TANC2: variants seen among roughly 807,000 people sequenced by gnomAD.
The protein encoded by TANC2 is tetratricopeptide repeat, ankyrin repeat and coiled-coil containing 2.
TANC2 carries 26 observed loss-of-function variants against 210.5 expected under a neutral mutation model. The observed-to-expected ratio is 0.12, with a 90% CI of 0.09 to 0.17. The LOEUF (loss-of-function observed/expected upper bound fraction) is 0.17. TANC2 is among the 10% of genes least tolerant of loss of function. The probability of loss-of-function intolerance (pLI) is 1.00; values close to 1 mark genes in which losing one functional copy is unlikely to be tolerated. For missense variants in TANC2, 2,129 were observed against 2,608.9 expected, an observed-to-expected ratio of 0.82 and a Z score of 4.01; for synonymous variants, 931 against 967.1, an observed-to-expected ratio of 0.96 and a Z score of 0.69.
At position 63,420,951 on chromosome 17, in the gene TANC2, C is replaced by T. The variant is rs745692639; in HGVS notation, c.5221C>T (p.Arg1741Trp). ...AGGAGACATAGGAGTCAGCCAGAGCCGGTTGGTTTATCAAGGGTCAATTGG... is the reference window on the plus strand; with the variant it reads ...AGGAGACATAGGAGTCAGCCAGAGCTGGTTGGTTTATCAAGGGTCAATTGG... Residue 1741 changes from arginine (R) to tryptophan (W), a missense_variant, in exon 28 of 28, where the codon CGG becomes TGG. Transcript: ENST00000689528. This position sits in a 1 kb window ranked among gnomAD's most constrained non-coding sequence, Gnocchi z 4.2. The T allele has an allele frequency of 2.5e-6, 4 of 1,613,958 alleles. No individual in the cohort carries two copies. The highest frequency in any genetic ancestry group is 3.3e-5 in the Admixed American group (2 of 60,022).
chr17:63,132,613 ATCT>A (rs2038957084), intron 4 of TANC2, among the ~76,000 whole-genome samples: 1 of 152,174 alleles, frequency 6.6e-6, no homozygotes, highest in African/African-American at 2.4e-5. Context: ...GGAATTAATC[ATCT>A]TCTTATCTTC....
chr17:63,280,042 C>T (rs2044013133), intron 9 of TANC2, among the ~76,000 whole-genome samples: 1 of 152,070 alleles, frequency 6.6e-6, no homozygotes, highest in East Asian at 1.9e-4. Flanking sequence ...TCACTCAATT[C>T]TCATATGTTT....
chr17:63,037,455 G>A (rs1348690839), intron 2 of TANC2, among the ~76,000 whole-genome samples: 4 of 152,084 alleles, frequency 2.6e-5, no homozygotes, highest in Non-Finnish European at 4.4e-5. Context: ...CACAGATAAG[G>A]GGGTGGGTGG....
chr17:63,364,914 G>C (rs1330547856), intron 14 of TANC2, among the ~76,000 whole-genome samples: 1 of 152,132 alleles, frequency 6.6e-6, no homozygotes, highest in Non-Finnish European at 1.5e-5. Flanking sequence ...TTTTAAGGTG[G>C]ATATGTTCGG....
intron 9 of TANC2, among the ~76,000 whole-genome samples, chr17:63,283,011 C>G (rs977261234): frequency 6.6e-6 from 1 of 151,872 alleles, no homozygotes; most frequent in East Asian, 1.9e-4. Flanking sequence ...CTTTTAGTGT[C>G]GTGTTTAAGA....
intron 7 of TANC2, among the ~76,000 whole-genome samples, chr17:63,232,136 T>C (rs930900487): frequency 6.6e-6 from 1 of 152,242 alleles, no homozygotes; most frequent in African/African-American, 2.4e-5. Flanking sequence ...CTCAACTGGT[T>C]ATTCTGGTTA....
chr17:63,150,091 A>T (rs771357863), intron 4 of TANC2: 1 of 152,150 alleles, frequency 6.6e-6, no homozygotes, highest in Non-Finnish European at 1.5e-5. Context: ...ACAGAGTTGT[A>T]TATTACTTTT....
intron 8 of TANC2, among the ~76,000 whole-genome samples, chr17:63,247,520 AAATTGTTACATCTGTAGACTAGACCTT>A (rs1291187422): frequency 7.9e-5 from 12 of 151,798 alleles, no homozygotes; most frequent in African/African-American, 1.9e-4. Flanking sequence ...ACATCATCCT[AAATTGTTACATCTGTAGACTAGACCTT>A]AATTGTTACA....
At chr17:63,343,427 T>C (rs552096794) in intron 12 of TANC2, among the ~76,000 whole-genome samples, 2 of 152,322 alleles carry the variant, frequency 1.3e-5, no homozygotes, top group South Asian at 4.1e-4. Flanking sequence ...GGTTCCAAAT[T>C]CATGAATCAA....
intron 8 of TANC2, among the ~76,000 whole-genome samples, chr17:63,241,645 C>T (rs748597832): frequency 2.2e-4 from 34 of 152,132 alleles, no homozygotes; most frequent in Non-Finnish European, 3.7e-4. Context: ...GCAATCCCAA[C>T]GTTCATTCTA....
At chr17:63,124,971 T>C (rs567683723) in intron 4 of TANC2, 1 of 152,326 alleles carries the variant, frequency 6.6e-6, no homozygotes, top group Admixed American at 6.5e-5. Flanking sequence ...GCCCAAAAGA[T>C]TGGGGACCAC....
intron 8 of TANC2, among the ~76,000 whole-genome samples, chr17:63,240,008 C>T (rs1047750716): frequency 6.6e-6 from 1 of 152,124 alleles, no homozygotes; most frequent in Non-Finnish European, 1.5e-5. Context: ...GAAGTCTGCC[C>T]CATGATCCAG....
intron 1 of TANC2, among the ~76,000 whole-genome samples, chr17:62,977,770 G>A (rs116245969): frequency 0.029 from 4,426 of 151,988 alleles, 79 homozygotes; most frequent in South Asian, 0.037. Context: ...AGAAAAAGTT[G>A]ATATTTTCCT....
intron 7 of TANC2, among the ~76,000 whole-genome samples, chr17:63,229,674 G>A (rs568339620): frequency 6.6e-6 from 1 of 151,358 alleles, no homozygotes; most frequent in East Asian, 1.9e-4. Flanking sequence ...GTTCAGTCTT[G>A]GGAGGGTGTA....
chr17:63,165,345 A>G (rs1232890733), intron 5 of TANC2, among the ~76,000 whole-genome samples: 1 of 152,140 alleles, frequency 6.6e-6, no homozygotes, highest in African/African-American at 2.4e-5. Flanking sequence ...AATTGGAGAT[A>G]CCTGGTTTAG....
intron 4 of TANC2, among the ~76,000 whole-genome samples, chr17:63,146,609 TTC>T (rs2039470954): frequency 6.6e-6 from 1 of 152,164 alleles, no homozygotes; most frequent in African/African-American, 2.4e-5. Context: ...CTCCATACTG[TTC>T]TCTCTGTATA....
intron 12 of TANC2, among the ~76,000 whole-genome samples, chr17:63,348,441 G>C (rs1293600826): frequency 6.6e-6 from 1 of 152,132 alleles, no homozygotes; most frequent in Non-Finnish European, 1.5e-5. Context: ...AACCTTTTTA[G>C]TGACTTGTCA....
chr17:63,180,664 C>G (rs1022783371), intron 5 of TANC2, among the ~76,000 whole-genome samples: 2 of 152,094 alleles, frequency 1.3e-5, no homozygotes, highest in Non-Finnish European at 2.9e-5. Context: ...GTACTTACTT[C>G]ATGCTTTCAG....
intron 9 of TANC2, among the ~76,000 whole-genome samples, chr17:63,279,647 T>C (rs1331802948): frequency 6.6e-6 from 1 of 152,100 alleles, no homozygotes; most frequent in Non-Finnish European, 1.5e-5. Flanking sequence ...ACCTGTCATA[T>C]CACATAATGT....
Sources: gnomAD v4.1 joint callset for allele counts (sites outside exome capture counted in the v4.1 genomes callset) on GRCh38, gnomAD v4.1.1 for gene constraint, Gnocchi (gnomAD v3.1) non-coding constraint, MANE v1.5 for transcripts, NCBI Gene and HGNC (gene_info 2026-07-23, HGNC 2026-07-21) for gene names.